The following HUWE1 variants were observed in gnomAD, a reference collection of about 807,000 sequenced individuals.
HUWE1 encodes the protein E3 ubiquitin-protein ligase HUWE1.
A neutral mutation model predicts 299.4 loss-of-function variants in HUWE1; 18 were observed. The ratio of observed to expected loss-of-function variants is 0.06; its 90% CI spans 0.04 to 0.09. The LOEUF is 0.09. Among genes scored for constraint, HUWE1 ranks in the 10% least tolerant of loss-of-function variants. The pLI, the probability that HUWE1 is intolerant of heterozygous loss-of-function variation, is 1.00. For missense variants in HUWE1, 1,832 were observed against 3,462.3 expected (o/e 0.53, Z 11.82); for synonymous variants, 1,317 against 1,286.1 (o/e 1.02, Z -0.51).
chrX:53,554,311 A>G (rs2061902543), intron 61 of HUWE1, among the ~76,000 whole-genome samples: 1 of 110,209 alleles, frequency 9.1e-6, no homozygotes, highest in Non-Finnish European at 1.9e-5. Flanking sequence ...CCCCTGCCTC[A>G]GCCTCCCAAA....
intron 21 of HUWE1, 32 bp downstream of exon 21, chrX:53,616,938 T>G (rs1557008017): frequency 8.7e-7 from 1 of 1,154,949 alleles, no homozygotes; most frequent in Admixed American, 2.2e-5. Flanking sequence ...CTAAATCAAT[T>G]TTCTACTATA....
Position 53,573,880 on chromosome X carries a change from C to T in HUWE1, c.6182G>A (p.Gly2061Asp). Reference sequence around the variant, plus strand: ...GGAGGTAGGCATTAAAGGTTTGCTGCCCTTGCCTTTCTGTTTGCCTTCCTC... The same window carrying T: ...GGAGGTAGGCATTAAAGGTTTGCTGTCCTTGCCTTTCTGTTTGCCTTCCTC... ...ASEEGKQKGK[G>D]SKPLMPTSTI... The change falls in exon 47 of 84, where the codon GGC (glycine) becomes GAC (aspartate). Residue 2061 changes from glycine to aspartate, a missense_variant. By Grantham distance (94) the Gly-to-Asp change is moderately conservative. Around this residue, in one of 15 missense-constraint regions of HUWE1, gnomAD observed 157 missense variants for 252.3 expected, o/e 0.62. Coordinates refer to ENST00000262854, the MANE Select transcript of HUWE1 (RefSeq NM_031407.7). The T allele has an allele frequency of 1.7e-6, 2 of 1,211,217 alleles. No homozygotes were observed. The highest frequency in any genetic ancestry group is 2.2e-6 in the Non-Finnish European group (2 of 894,942).
rs1328734480 is a variant in HUWE1 at position 53,617,183 on chromosome X, A to C, written c.1780-36T>G. Reference sequence around the variant, plus strand: ...AACAAAGTGAGCTTGAATGCATCTAAAAGAGTGTAGATGCTAGGAAAATCC... The same window carrying C: ...AACAAAGTGAGCTTGAATGCATCTACAAGAGTGTAGATGCTAGGAAAATCC... On this transcript the variant is annotated intron_variant, in intron 20 of 83. Transcript: ENST00000262854. The C allele has an allele frequency of 3.4e-6, 4 of 1,160,959 alleles. No individual in the cohort carries two copies. In the African/African-American group the frequency reaches 7.1e-5, roughly 21 times the overall value.
At chrX:53,662,363 TG>T (rs1423070383) in intron 3 of HUWE1, among the ~76,000 whole-genome samples, 1 of 111,765 alleles carries the variant, frequency 8.9e-6, no homozygotes, top group Non-Finnish European at 1.9e-5. Flanking sequence ...ATTTAGTTCT[TG>T]GAACACTCTA....
Position 53,533,252 on chromosome X carries a change from C to A in HUWE1, c.*57G>T, listed in dbSNP as rs1275951535. On this transcript the variant is annotated 3_prime_UTR_variant, in exon 84 of 84. Coordinates refer to ENST00000262854, the MANE Select transcript of HUWE1 (RefSeq NM_031407.7). ...TCTTTCTGGTTCTTTTTTTAACTCC[C>A]CCCTCCCCAGGTCCAACAATGGTAA... The A allele has an allele frequency of 8.1e-6, 6 of 739,202 alleles. No homozygotes were observed. Among genetic ancestry groups the A allele is most frequent in the Non-Finnish European group, 1.2e-5 (6 of 480,271 alleles). The allele number at this position is 739,202 out of a possible 1,213,427, so 60.9% of individuals were successfully genotyped here.
At chrX:53,645,735 AAATATATATATATATATATATAT>A (rs1218423883) in intron 6 of HUWE1, among the ~76,000 whole-genome samples, 1 of 26,160 alleles carries the variant, frequency 3.8e-5, no homozygotes, top group East Asian at 8.5e-4. Context: ...AAAAAAAAAA[AAATATATATATATATATATATAT>A]ATATATATAT....
At chrX:53,535,551 G>C (rs1376414173) in intron 80 of HUWE1, 50 bp from the exon 81 acceptor site, 1 of 826,313 alleles carries the variant, frequency 1.2e-6, no homozygotes, top group Non-Finnish European at 1.8e-6. Context: ...ATCTAGGATG[G>C]GATTAGATAC....
chrX:53,584,469 C>T, intron 40 of HUWE1, 124 bp from the exon 41 acceptor site: 1 of 586,155 alleles, frequency 1.7e-6, no homozygotes, highest in Non-Finnish European at 2.7e-6. Flanking sequence ...TTTATCCCAC[C>T]TTTATCATTT....
intron 47 of HUWE1, among the ~76,000 whole-genome samples, chrX:53,571,282 T>C (rs1159351787): frequency 1.8e-5 from 2 of 112,591 alleles, no homozygotes; most frequent in Non-Finnish European, 3.8e-5. Flanking sequence ...CTATTATAAA[T>C]TATGAATACA....
chrX:53,533,146 A>G lies in HUWE1; in HGVS notation c.*163T>C, dbSNP rs2060843007. 1 of 459,477 alleles carries G rather than the reference A, an allele frequency of 2.2e-6. No individual in the cohort carries two copies. 37.9% of individuals were successfully genotyped at this position (459,477 alleles called of 1,213,427 possible). On this transcript the variant is annotated 3_prime_UTR_variant, in exon 84 of 84. Transcript: ENST00000262854. ...CGGCGGGGAGAGAATGAGAAGAGGA[A>G]CAGGTATGCGCTGGGGAAGATGGGG...
At position 53,534,229 on chromosome X, in the gene HUWE1, G is replaced by C. The variant is rs987550914; in HGVS notation, c.12832-32C>G. On this transcript the variant is annotated intron_variant, in intron 82 of 83. Transcript: ENST00000262854. ...GAAGGGACCCATGAAGCCAGTGTTA[G>C]GTAGAAAGCTCCTAGAAGCAGGGTG... The C allele has an allele frequency of 4.4e-6, 5 of 1,144,686 alleles. No homozygotes were observed. In the African/African-American group the frequency reaches 9.0e-5, roughly 21 times the overall value. 94.3% of individuals were successfully genotyped at this position (1,144,686 alleles called of 1,213,427 possible).
At chrX:53,609,035 T>G in intron 23 of HUWE1, 126 bp from the exon 24 acceptor site, 1 of 504,553 alleles carries the variant, frequency 2.0e-6, no homozygotes, top group East Asian at 3.7e-5. Context: ...CTTATTTTTT[T>G]GAGACAGGGT....
chrX:53,614,460 G>T, intron 23 of HUWE1, 74 bp downstream of exon 23: 2 of 732,010 alleles, frequency 2.7e-6, no homozygotes, highest in Non-Finnish European at 4.4e-6. Flanking sequence ...AGATGAAAGT[G>T]TTCATTAAGA....
intron 6 of HUWE1, among the ~76,000 whole-genome samples, chrX:53,646,265 C>T (rs912575147): frequency 1.8e-5 from 2 of 110,232 alleles, no homozygotes; most frequent in African/African-American, 6.6e-5. Context: ...TCAAGCAATC[C>T]TCTCACCGAA....
At chrX:53,537,839 C>T (rs1323794968) in intron 77 of HUWE1, 143 bp from the exon 78 acceptor site, 3 of 637,193 alleles carry the variant, frequency 4.7e-6, no homozygotes, top group Admixed American at 6.7e-5. Flanking sequence ...TGGGAAATGC[C>T]CAGTAGTTGG....
At chrX:53,562,297 C>A in intron 53 of HUWE1, 53 bp from the exon 54 acceptor site, 1 of 1,189,368 alleles carries the variant, frequency 8.4e-7, no homozygotes, top group Non-Finnish European at 1.1e-6. Context: ...AGAAAACAGG[C>A]TACTGTGCAG....
intron 42 of HUWE1, 127 bp from the exon 43 acceptor site, chrX:53,581,153 T>C (rs1273388298): frequency 7.3e-6 from 4 of 548,299 alleles, no homozygotes; most frequent in Non-Finnish European, 1.1e-5. Flanking sequence ...TTAAGTCCCG[T>C]CCCATCCCTT....
At chrX:53,618,344 AATTT>A (rs782614317) in intron 19 of HUWE1, among the ~76,000 whole-genome samples, 7 of 110,999 alleles carry the variant, frequency 6.3e-5, no homozygotes, top group Admixed American at 1.9e-4. Flanking sequence ...AGAAAAAAAA[AATTT>A]ATTCTACAAA....
intron 43 of HUWE1, among the ~76,000 whole-genome samples, chrX:53,577,469 A>C (rs781958123): frequency 2.6e-4 from 25 of 97,864 alleles, no homozygotes; most frequent in South Asian, 1.5e-3. Flanking sequence ...AAAAAAAAAA[A>C]AAAAAAACTC....
Sources: gnomAD v4.1 joint callset for allele counts (sites outside exome capture counted in the v4.1 genomes callset) on GRCh38, gnomAD v4.1.1 for gene constraint, gnomAD v4.1.1 regional missense constraint, MANE v1.5 for transcripts, NCBI Gene and HGNC (gene_info 2026-07-23, HGNC 2026-07-21) for gene names.